The following SLC39A3 variants were observed in gnomAD, a reference collection of about 807,000 sequenced individuals.
SLC39A3 encodes zinc transporter ZIP3.
A neutral mutation model predicts 5.1 loss-of-function variants in SLC39A3; 3 were observed. The ratio of observed to expected loss-of-function variants is 0.59; its 90% CI spans 0.27 to 1.54. The LOEUF is 1.54. Among genes scored for constraint, SLC39A3 ranks in the 40% most tolerant of loss-of-function variants. The pLI is 0.12. For missense variants in SLC39A3, 412 were observed against 436.4 expected, an observed-to-expected ratio of 0.94 and a Z score of 0.50; for synonymous variants, 250 against 218.8, an observed-to-expected ratio of 1.14 and a Z score of -1.26.
rs1382384845 is a variant in SLC39A3, at chr19:2,736,647, CTG to C, written c.210+399_210+400del. ...TGCCCAGACCCCTGACTCACAGAAA[CTG>C]TGAGATGATAAACGTCTGTAGTCCT... On this transcript the variant is annotated intron_variant, in intron 2 of 2. Coordinates refer to ENST00000269740, the MANE Select transcript of SLC39A3 (RefSeq NM_144564.5). The C allele has an allele frequency of 2.8e-6, 3 of 1,081,210 alleles. No individual in the cohort carries two copies. In the African/African-American group the frequency reaches 4.8e-5, roughly 17 times the overall value. The allele number at this position is 1,081,210 out of a possible 1,614,324, so 67.0% of individuals were successfully genotyped here.
In SLC39A3 at chr19:2,733,431, T is replaced by G. The variant is rs1599483955; in HGVS notation, c.265A>C (p.Thr89Pro). 1 of 1,612,782 alleles carries G rather than the reference T, an allele frequency of 6.2e-7. No individual in the cohort carries two copies. The highest frequency in any genetic ancestry group is 8.5e-7 in the Non-Finnish European group (1 of 1,179,970). ...ATGAAGAAGCCCAGCAGGAGGATGG[T>G]TTCGGCCAGCGGGTAGTCGGTGCTG... ...HISTDYPLAETILLLGFFMTV... is the reference protein window; with the variant it reads ...HISTDYPLAEPILLLGFFMTV... The change falls in exon 3 of 3, where the codon ACC becomes CCC. Residue 89 changes from threonine (T) to proline (P), a missense_variant. Transcript: ENST00000269740. The surrounding 1 kb of genome is among the most constrained non-coding windows in gnomAD (Gnocchi z 6.1).
chr19:2,734,416 A>G lies in SLC39A3; in HGVS notation c.211-931T>C, dbSNP rs1022397494. The G allele has an allele frequency of 6.6e-5, 10 of 152,348 alleles. No homozygotes were observed. Among genetic ancestry groups the G allele is most frequent in the African/African-American group, 2.4e-4 (10 of 41,420 alleles). The allele number at this position is 152,348 out of a possible 1,614,324, so 9.4% of individuals were successfully genotyped here. On this transcript the variant is annotated intron_variant, in intron 2 of 2. Transcript: ENST00000269740. The surrounding 1 kb of genome is among the most constrained non-coding windows in gnomAD (Gnocchi z 4.6). ...CGTGCACACACACACACACACACGC[A>G]TATGTGCACACACGCACGCACACAC...
rs750090483 is a variant in SLC39A3 at position 2,733,242 on chromosome 19, C to T, written c.454G>A (p.Gly152Ser). The T allele has an allele frequency of 7.5e-6, 12 of 1,609,158 alleles. No individual in the cohort carries two copies. Among genetic ancestry groups the T allele is most frequent in the South Asian group, 4.4e-5 (4 of 90,870 alleles). Reference protein sequence around the residue: ...RGHALYVEPHGHGPSLSVQGL... With the variant: ...RGHALYVEPHSHGPSLSVQGL... ...TGCACGCTCAGGCTGGGGCCGTGGC[C>T]GTGGGGCTCCACGTACAGCGCGTGG... Residue 152 changes from glycine (G) to serine (S), a missense_variant, in exon 3 of 3, where the codon GGC (glycine) becomes AGC (serine). Physicochemically the swap from Gly to Ser is moderately conservative, Grantham distance 56. Coordinates refer to ENST00000269740, the MANE Select transcript of SLC39A3 (RefSeq NM_144564.5). This position sits in a 1 kb window ranked among gnomAD's most constrained non-coding sequence, Gnocchi z 6.1.
chr19:2,739,788 C>T (rs1400873143), intron 1 of SLC39A3, among the ~76,000 whole-genome samples, 157 bp downstream of exon 1: 1 of 152,226 alleles, frequency 6.6e-6, no homozygotes, highest in African/African-American at 2.4e-5. Flanking sequence ...CGGGCTCATT[C>T]ATTCAATCAG....
intron 1 of SLC39A3, among the ~76,000 whole-genome samples, 166 bp downstream of exon 1, chr19:2,739,779 G>C (rs1287881085): frequency 6.6e-6 from 1 of 152,200 alleles, no homozygotes; most frequent in Non-Finnish European, 1.5e-5. Context: ...AGGAGGGCAC[G>C]GGCTCATTCA....
chr19:2,735,771 T>G lies in SLC39A3; in HGVS notation c.210+1277A>C. On this transcript the variant is annotated intron_variant, in intron 2 of 2. Coordinates refer to ENST00000269740, the MANE Select transcript of SLC39A3 (RefSeq NM_144564.5). This position sits in a 1 kb window ranked among gnomAD's most constrained non-coding sequence, Gnocchi z 5.7. ...CCACACTCGAGGGGAGGGAAGAGCA[T>G]GGGGCGTGCGGAGCAGGGGCTGGAA... The G allele has an allele frequency of 1.1e-6, 1 of 903,030 alleles. No homozygotes were observed. The highest frequency in any genetic ancestry group is 1.3e-6 in the Non-Finnish European group (1 of 755,314). The allele number at this position is 903,030 out of a possible 1,614,324, so 55.9% of individuals were successfully genotyped here. A position where few individuals can be genotyped will look rare whatever the true frequency, so the allele number is the denominator to read the frequency against.
intron 2 of SLC39A3, chr19:2,736,068 C>G (rs1375635965): frequency 4.4e-5 from 43 of 985,482 alleles, no homozygotes; most frequent in Non-Finnish European, 4.8e-5. Context: ...GGTCACCCAG[C>G]AAGCATGGCC....
Position 2,732,700 on chromosome 19 carries a change from C to A in SLC39A3, c.*51G>T. The A allele has an allele frequency of 6.7e-7, 1 of 1,484,834 alleles. No homozygotes were observed. The highest frequency in any genetic ancestry group is 8.9e-7 in the Non-Finnish European group (1 of 1,119,334). 92.0% of individuals were successfully genotyped at this position (1,484,834 alleles called of 1,614,324 possible). Reference sequence around the variant, plus strand: ...GCGGCCGGGGGACGCGGCCTGTGTCCGGCCCGGGGCTCCCGGCGGGCTCCG... The same window carrying A: ...GCGGCCGGGGGACGCGGCCTGTGTCAGGCCCGGGGCTCCCGGCGGGCTCCG... On this transcript the variant is annotated 3_prime_UTR_variant, in exon 3 of 3. Coordinates refer to ENST00000269740, the MANE Select transcript of SLC39A3 (RefSeq NM_144564.5).
rs903000278 is a variant in SLC39A3 at position 2,737,052 on chromosome 19, T to A, written c.206A>T (p.Glu69Val). Residue 69 changes from glutamate to valine, a missense_variant, in exon 2 of 3, where the codon GAA becomes GTA. Coordinates refer to ENST00000269740, the MANE Select transcript of SLC39A3 (RefSeq NM_144564.5). ...TAGTGCCCAGGGAGCCCTTACCTTT[T>A]CCCTCACAGCGGGCAGCAGAGCGTT... The part of the protein sequence containing the change: ...CFNALLPAVR[E>V]KLQKVLSLGH... 1.2e-6 allele frequency: 2 copies of A among 1,614,040 alleles called. No homozygotes were observed. The highest frequency in any genetic ancestry group is 1.7e-6 in the Non-Finnish European group (2 of 1,180,016).
chr19:2,733,586 C>T lies in SLC39A3; in HGVS notation c.211-101G>A. 2.1e-6 allele frequency: 3 copies of T among 1,434,318 alleles called. No homozygotes were observed. Among genetic ancestry groups the T allele is most frequent in the South Asian group, 1.4e-5 (1 of 71,636 alleles). The allele number at this position is 1,434,318 out of a possible 1,614,324, so 88.8% of individuals were successfully genotyped here. On this transcript the variant is annotated intron_variant, in intron 2 of 2. Transcript: ENST00000269740. The surrounding 1 kb of genome is among the most constrained non-coding windows in gnomAD (Gnocchi z 6.1). ...ACCGTTCAAAGCAAAGTCCAGAAAT[C>T]CCCGATTCACACAGAGGTTAAAACA... is the stretch of plus-strand genomic sequence containing the variant.
rs200356181 is a variant in SLC39A3, at chr19:2,732,997, C to A, written c.699G>T (p.Ala233=). The A allele has an allele frequency of 1.9e-6, 3 of 1,597,788 alleles. No homozygotes were observed. In the South Asian group the frequency reaches 3.3e-5, roughly 18 times the overall value. Residue 233 remains alanine (A), a synonymous_variant, in exon 3 of 3, where the codon GCG becomes GCT. Coordinates refer to ENST00000269740, the MANE Select transcript of SLC39A3 (RefSeq NM_144564.5). ...GGGGGATCATGGCGCTTACGGTGAC[C>A]GCCAGCTTGGCCGCGTCCCGCAGGG... ...AMPLRDAAKL[A]VTVSAMIPLG... is the part of the protein sequence containing the mutation.
Position 2,732,967 on chromosome 19 carries a change from G to A in SLC39A3, c.729C>T (p.Gly243=), listed in dbSNP as rs201073170. 110 of 1,603,056 alleles carry A rather than the reference G, an allele frequency of 6.9e-5. 1 individual carries two copies. The East Asian group carries it at 2.3e-3, about 34-fold the overall frequency. ...TCTCAATGCCCAGGCCCAGGCCGAT[G>A]CCCAGGGGGATCATGGCGCTTACGG... ...AVTVSAMIPL[G]IGLGLGIESA... The change falls in exon 3 of 3, where the codon GGC becomes GGT. Residue 243 remains glycine (G), a synonymous_variant. Coordinates refer to ENST00000269740, the MANE Select transcript of SLC39A3 (RefSeq NM_144564.5).
chr19:2,737,188 G>C lies in SLC39A3; in HGVS notation c.70C>G (p.Leu24Val), dbSNP rs141711701. ...GTCTCGATGATCTTCACGGGGAGCA[G>C]GGAGCCGAGCAGCATGAAGAAGAAC... The part of the protein sequence containing the change: ...GVFFFMLLGS[L>V]LPVKIIETDF... Residue 24 changes from leucine to valine, a missense_variant, in exon 2 of 3, where the codon CTG becomes GTG. Physicochemically the swap from Leu to Val is conservative, Grantham distance 32. Coordinates refer to ENST00000269740, the MANE Select transcript of SLC39A3 (RefSeq NM_144564.5). The C allele has an allele frequency of 1.9e-6, 3 of 1,614,052 alleles. No individual in the cohort carries two copies. Among genetic ancestry groups the C allele is most frequent in the South Asian group, 1.1e-5 (1 of 91,080 alleles).
At chr19:2,739,305 T>G (rs1200710031) in intron 1 of SLC39A3, 4 of 151,886 alleles carry the variant, frequency 2.6e-5, no homozygotes, top group Non-Finnish European at 5.9e-5. Flanking sequence ...TGAAGTCGGT[T>G]TCACCCTGGA....
chr19:2,735,148 G>C lies in SLC39A3; in HGVS notation c.211-1663C>G, dbSNP rs1006153654. 8.3e-5 allele frequency: 82 copies of C among 985,264 alleles called. No individual in the cohort carries two copies. The highest frequency in any genetic ancestry group is 8.6e-5 in the Non-Finnish European group (71 of 829,932). 61.0% of individuals were successfully genotyped at this position (985,264 alleles called of 1,614,324 possible). A position where few individuals can be genotyped will look rare whatever the true frequency, so the allele number is the denominator to read the frequency against. ...CAGAGGGTGACGGGGGTGACACCATGACCATGGGGGAAAAGGGGGGCTGGC... is the reference window on the plus strand; with the variant it reads ...CAGAGGGTGACGGGGGTGACACCATCACCATGGGGGAAAAGGGGGGCTGGC... On this transcript the variant is annotated intron_variant, in intron 2 of 2. Transcript: ENST00000269740. This position sits in a 1 kb window ranked among gnomAD's most constrained non-coding sequence, Gnocchi z 5.7.
At chr19:2,737,477 G>A (rs543812425) in intron 1 of SLC39A3, 98 bp from the exon 2 acceptor site, 16 of 743,106 alleles carry the variant, frequency 2.2e-5, no homozygotes, top group African/African-American at 1.5e-4. Context: ...GTGCAATGGT[G>A]CAATCTCCGC....
chr19:2,738,471 G>A (rs567852477), intron 1 of SLC39A3, among the ~76,000 whole-genome samples: 5 of 152,098 alleles, frequency 3.3e-5, no homozygotes, highest in Admixed American at 3.3e-4. Flanking sequence ...GCCCTCACTG[G>A]TCCTTTCTGT....
At chr19:2,737,435 T>TC in intron 1 of SLC39A3, 56 bp from the exon 2 acceptor site, 1 of 1,152,706 alleles carries the variant, frequency 8.7e-7, no homozygotes, top group African/African-American at 1.6e-5. Context: ...TTTTTTTTTT[T>TC]AGACAGAGTC....
At position 2,732,584 on chromosome 19, in the gene SLC39A3, G is replaced by C. The variant is rs1434819811; in HGVS notation, c.*167C>G. On this transcript the variant is annotated 3_prime_UTR_variant, in exon 3 of 3. Coordinates refer to ENST00000269740, the MANE Select transcript of SLC39A3 (RefSeq NM_144564.5). ...AAAAGTAGCAGTGCTCTGAGGCTCA[G>C]GGTGTAGGATCGGGGGCACAGCCTG... is the stretch of plus-strand genomic sequence containing the variant. 3.5e-6 allele frequency: 5 copies of C among 1,427,188 alleles called. No individual in the cohort carries two copies. The highest frequency in any genetic ancestry group is 2.5e-5 in the East Asian group (1 of 39,604). The allele number at this position is 1,427,188 out of a possible 1,614,324, so 88.4% of individuals were successfully genotyped here.
Sources: gnomAD v4.1 joint callset for allele counts (sites outside exome capture counted in the v4.1 genomes callset) on GRCh38, gnomAD v4.1.1 for gene constraint, Gnocchi (gnomAD v3.1) non-coding constraint, MANE v1.5 for transcripts, NCBI Gene and HGNC (gene_info 2026-07-23, HGNC 2026-07-21) for gene names.